SEMA5A: variants seen among roughly 807,000 people sequenced by gnomAD.
SEMA5A encodes the protein semaphorin-5A.
In SEMA5A, 55 loss-of-function variants were observed where a neutral mutation model predicts 135.5. The ratio of observed to expected loss-of-function variants is 0.41; its 90% confidence interval spans 0.33 to 0.51. SEMA5A has a LOEUF of 0.51. SEMA5A is among the 20% of genes least tolerant of loss of function. SEMA5A has a pLI of 0.37. For synonymous variants in SEMA5A, 580 were observed against 546.5 expected, an observed-to-expected ratio of 1.06 and a Z score of -0.85; for missense variants, 1,290 against 1,419.9, an observed-to-expected ratio of 0.91 and a Z score of 1.47.
intron 11 of SEMA5A, among the ~76,000 whole-genome samples, chr5:9,188,234 G>A (rs182634935): frequency 7.2e-5 from 11 of 152,270 alleles, no homozygotes; most frequent in East Asian, 1.9e-4. Context: ...TAACAGGGCC[G>A]TCACCAGGAA....
At position 9,040,483 on chromosome 5, in the gene SEMA5A, C is replaced by T. The variant is rs1021819465; in HGVS notation, c.*2414G>A. 1 of 152,178 alleles carries T rather than the reference C, an allele frequency of 6.6e-6. No individual in the cohort carries two copies. The highest frequency in any genetic ancestry group is 1.5e-5 in the Non-Finnish European group (1 of 68,028). 9.4% of individuals were successfully genotyped at this position (152,178 alleles called of 1,614,324 possible). A position where few individuals can be genotyped will look rare whatever the true frequency, so the allele number is the denominator to read the frequency against. The stretch of plus-strand genomic sequence containing the variant: ...AGTGATGGACAAACACAACTTATTC[C>T]ACAGCTGGTAAAATACTTAGAATAT... On this transcript the variant is annotated 3_prime_UTR_variant, in exon 23 of 23. Transcript: ENST00000382496.
At chr5:9,403,817 CCTCTT>C (rs1756767049) in intron 2 of SEMA5A, among the ~76,000 whole-genome samples, 3 of 152,192 alleles carry the variant, frequency 2.0e-5, no homozygotes, top group Non-Finnish European at 2.9e-5. Flanking sequence ...AGACAGCTCT[CCTCTT>C]CTGCCACTAC....
chr5:9,271,679 T>C (rs1234049876), intron 5 of SEMA5A, among the ~76,000 whole-genome samples: 1 of 152,130 alleles, frequency 6.6e-6, no homozygotes, highest in Non-Finnish European at 1.5e-5. Context: ...AGGTACCTAG[T>C]GCATCTCATT....
chr5:9,050,882 G>A lies in SEMA5A; in HGVS notation c.2846-425C>T, dbSNP rs1736535792. ...GCAGAGGGAGGGCCCATTCACCAGA[G>A]CTCAAGGACATCTCCAGAACAAGTG... On this transcript the variant is annotated intron_variant, in intron 20 of 22. Transcript: ENST00000382496. 2.0e-5 allele frequency among the ~76,000 whole-genome samples: 3 copies of A among 152,192 alleles called. No homozygotes were observed. In the South Asian group the frequency reaches 6.2e-4, roughly 31 times the overall value.
chr5:9,444,854 G>T (rs773361257), intron 1 of SEMA5A, among the ~76,000 whole-genome samples: 1 of 152,040 alleles, frequency 6.6e-6, no homozygotes, highest in East Asian at 1.9e-4. Context: ...TGGTTTGCCC[G>T]CACCGGCCTG....
intron 21 of SEMA5A, among the ~76,000 whole-genome samples, chr5:9,047,251 A>G (rs1579297696): frequency 1.3e-5 from 2 of 152,356 alleles, no homozygotes; most frequent in African/African-American, 2.4e-5. Context: ...AACATAGGGA[A>G]GATGCATGAT....
intron 3 of SEMA5A, among the ~76,000 whole-genome samples, chr5:9,372,918 G>A (rs1050281896): frequency 4.6e-5 from 7 of 152,312 alleles, no homozygotes; most frequent in East Asian, 1.9e-4. Flanking sequence ...TTCTCCAGCC[G>A]CAGGAGGAGC....
At chr5:9,358,047 C>A (rs1754529416) in intron 3 of SEMA5A, among the ~76,000 whole-genome samples, 1 of 152,112 alleles carries the variant, frequency 6.6e-6, no homozygotes, top group South Asian at 2.1e-4. Flanking sequence ...AGCACTGATT[C>A]TCTCCCCAAC....
At chr5:9,415,381 G>T (rs1335089099) in intron 2 of SEMA5A, among the ~76,000 whole-genome samples, 1 of 152,166 alleles carries the variant, frequency 6.6e-6, no homozygotes, top group African/African-American at 2.4e-5. Context: ...TGTAAGATGT[G>T]TTGGGGCCTT....
chr5:9,352,955 T>C (rs1261332133), intron 3 of SEMA5A, among the ~76,000 whole-genome samples: 2 of 150,904 alleles, frequency 1.3e-5, no homozygotes, highest in African/African-American at 4.9e-5. Flanking sequence ...TAGAAAATCA[T>C]AGAGTAAAAG....
At chr5:9,312,903 A>T (rs1302684777) in intron 5 of SEMA5A, among the ~76,000 whole-genome samples, 1 of 152,122 alleles carries the variant, frequency 6.6e-6, no homozygotes, top group Non-Finnish European at 1.5e-5. Context: ...CAATTTCAGT[A>T]TGGTTCTACA....
chr5:9,221,522 T>G (rs1384199623), intron 8 of SEMA5A, among the ~76,000 whole-genome samples: 1 of 151,884 alleles, frequency 6.6e-6, no homozygotes, highest in African/African-American at 2.4e-5. Context: ...CAGGATGGTC[T>G]CGATCTCCTG....
At position 9,237,905 on chromosome 5, in the gene SEMA5A, A is replaced by G. The variant is rs774620440; in HGVS notation, c.271-15T>C. 23 of 1,612,592 alleles carry G rather than the reference A, an allele frequency of 1.4e-5. 1 individual carries two copies. In the South Asian group the frequency reaches 2.4e-4, roughly 17 times the overall value. On this transcript the variant is annotated splice_polypyrimidine_tract_variant and intron_variant, in intron 5 of 22. Transcript: ENST00000382496. Reference sequence around the variant, plus strand: ...CATTCCACAGCCTGTAGAAAACACCAAAACAATAGCAGTCATGGTTTTGAC... The same window carrying G: ...CATTCCACAGCCTGTAGAAAACACCGAAACAATAGCAGTCATGGTTTTGAC...
chr5:9,459,140 C>T (rs1758959824), intron 1 of SEMA5A, among the ~76,000 whole-genome samples: 1 of 152,146 alleles, frequency 6.6e-6, no homozygotes, highest in Admixed American at 6.5e-5. Flanking sequence ...CATAATTACA[C>T]TATTTTCTTT....
In SEMA5A at chr5:9,054,194, T is replaced by C. The variant is rs1736759986; in HGVS notation, c.2582A>G (p.His861Arg). ...TKCSATCGGG[H>R]YMRTRSCSNP... ...GGAGCAAGAGCGGGTCCTCATATAGTGTCCACCGCCGCATGTTGCTGAACA... is the reference window on the plus strand; with the variant it reads ...GGAGCAAGAGCGGGTCCTCATATAGCGTCCACCGCCGCATGTTGCTGAACA... Residue 861 changes from histidine to arginine, a missense_variant, in exon 19 of 23, where the codon CAC becomes CGC. By Grantham distance (29) the His-to-Arg change is conservative (BLOSUM62 0). This residue lies in a region of SEMA5A where 1,029 missense variants were observed against 1,086.6 expected (regional missense o/e 0.95). Coordinates refer to ENST00000382496, the MANE Select transcript of SEMA5A (RefSeq NM_003966.3). 6.2e-7 allele frequency: 1 copy of C among 1,613,920 alleles called. No individual in the cohort carries two copies. Among genetic ancestry groups the C allele is most frequent in the Non-Finnish European group, 8.5e-7 (1 of 1,180,006 alleles).
Position 9,122,690 on chromosome 5 carries a change from C to T in SEMA5A, c.1747G>A (p.Glu583Lys), listed in dbSNP as rs202090123. 3.1e-6 allele frequency: 5 copies of T among 1,609,996 alleles called. No homozygotes were observed. In the South Asian group the frequency reaches 3.3e-5, roughly 11 times the overall value. ...TTGGCGATCTCCATGCCAGGGCCCTCGCACTGCCAGCCACCACACTGCGGG... is the reference window on the plus strand; with the variant it reads ...TTGGCGATCTCCATGCCAGGGCCCTTGCACTGCCAGCCACCACACTGCGGG... Reference protein sequence around the residue: ...PAPQCGGWQCEGPGMEIANCS... With the variant: ...PAPQCGGWQCKGPGMEIANCS... The change falls in exon 14 of 23, where the codon GAG (glutamate) becomes AAG (lysine). Residue 583 changes from glutamate to lysine, a missense_variant. By Grantham distance (56) the Glu-to-Lys change is moderately conservative. Transcript: ENST00000382496.
At chr5:9,242,680 G>A (rs772775796) in intron 5 of SEMA5A, among the ~76,000 whole-genome samples, 6 of 152,108 alleles carry the variant, frequency 3.9e-5, no homozygotes, top group Admixed American at 3.3e-4. Flanking sequence ...CTGCTCGGGC[G>A]ATGGGTGCAC....
chr5:9,471,473 A>T (rs993516888), intron 1 of SEMA5A, among the ~76,000 whole-genome samples: 4 of 152,216 alleles, frequency 2.6e-5, no homozygotes, highest in African/African-American at 9.6e-5. Flanking sequence ...CTTCCTACCA[A>T]TACATAATCC....
chr5:9,467,922 T>C (rs974245121), intron 1 of SEMA5A, among the ~76,000 whole-genome samples: 1 of 152,220 alleles, frequency 6.6e-6, no homozygotes, highest in African/African-American at 2.4e-5. Flanking sequence ...TTCAAAGTCC[T>C]TTGACTAGCA....
Sources: allele counts gnomAD v4.1 joint callset (sites outside exome capture counted in the v4.1 genomes callset), GRCh38; gene constraint gnomAD v4.1.1; regional missense constraint gnomAD v4.1.1; transcripts MANE v1.5; gene names NCBI Gene and HGNC (gene_info 2026-07-23, HGNC 2026-07-21).